Variants in SYTL5 observed in about 807,000 individuals in gnomAD.
SYTL5 encodes the protein synaptotagmin like 5.
In SYTL5, 34 loss-of-function variants were observed where a neutral mutation model predicts 55.9. The observed-to-expected ratio is 0.61, with a 90% CI of 0.46 to 0.81. The LOEUF (loss-of-function observed/expected upper bound fraction) is 0.81, where lower values mean the gene tolerates loss of function less well. Ranked by LOEUF, SYTL5 falls within the 30% of genes least tolerant of loss-of-function variation. The pLI is 0.00. For missense variants in SYTL5, 637 were observed against 546.7 expected (o/e 1.17, Z -1.65); for synonymous variants, 221 against 188.7 (o/e 1.17, Z -1.40).
the SYTL5 span, among the ~76,000 whole-genome samples, chrX:37,960,363 T>G: frequency 9.1e-6 from 1 of 110,469 alleles, no homozygotes; most frequent in African/African-American, 3.3e-5. Flanking sequence ...ATCATCTCTT[T>G]CCTCTTTTGT....
intron 3 of SYTL5, among the ~76,000 whole-genome samples, chrX:38,062,246 A>T (rs1935970072): frequency 8.9e-6 from 1 of 111,955 alleles, no homozygotes; most frequent in South Asian, 3.7e-4. Flanking sequence ...CTGGTATTAT[A>T]GGTGTGAGCC....
the SYTL5 span, among the ~76,000 whole-genome samples, chrX:37,971,804 C>T: frequency 3.7e-5 from 4 of 107,829 alleles, no homozygotes; most frequent in African/African-American, 1.3e-4. Flanking sequence ...ATCTTTATTC[C>T]GGCTTTTTTT....
rs189717697 is a variant in SYTL5 at position 38,042,205 on chromosome X, T to G, written c.119+8197T>G. On this transcript the variant is annotated intron_variant, in intron 2 of 16. Coordinates refer to ENST00000297875, the MANE Select transcript of SYTL5 (RefSeq NM_138780.3). ...CCTAGACTATATATAGAAATATATA[T>G]AGAGATAGGTTTTCTCTCTACATAT... is the stretch of plus-strand genomic sequence containing the variant. 5.2e-4 allele frequency among the ~76,000 whole-genome samples: 58 copies of G among 110,585 alleles called. 1 individual carries two copies. In the East Asian group the frequency reaches 0.011, roughly 22 times the overall value.
chrX:38,086,590 A>G (rs1418865241), intron 6 of SYTL5, among the ~76,000 whole-genome samples: 1 of 111,868 alleles, frequency 8.9e-6, no homozygotes, highest in Non-Finnish European at 1.9e-5. Flanking sequence ...GCACTGATTT[A>G]TCATACTTCT....
At chrX:37,971,539 AC>A in the SYTL5 span, among the ~76,000 whole-genome samples, 6 of 111,259 alleles carry the variant, frequency 5.4e-5, no homozygotes, top group Non-Finnish European at 7.5e-5. Context: ...AACAATAACA[AC>A]AACAACAACA....
intron 5 of SYTL5, among the ~76,000 whole-genome samples, chrX:38,073,915 A>C (rs773148548): frequency 9.0e-6 from 1 of 111,659 alleles, no homozygotes; most frequent in Non-Finnish European, 1.9e-5. Flanking sequence ...AGCACAGAAG[A>C]GTTTTCCTTT....
At position 38,128,396 on chromosome X, in the gene SYTL5, C is replaced by T. The variant is rs1479675504; in HGVS notation, c.*1666C>T. On this transcript the variant is annotated 3_prime_UTR_variant, in exon 17 of 17. Transcript: ENST00000297875. ...ATTACTTGAGCATGAACATACCCGA[C>T]CAAGGTATGTTCTGGAGTCATATTC... is the stretch of plus-strand genomic sequence containing the variant. 9.0e-6 allele frequency: 1 copy of T among 111,238 alleles called. No homozygotes were observed. The highest frequency in any genetic ancestry group is 3.3e-5 in the African/African-American group (1 of 30,619). 9.2% of individuals were successfully genotyped at this position (111,238 alleles called of 1,213,427 possible).
chrX:37,958,601 C>T, the SYTL5 span, among the ~76,000 whole-genome samples: 1 of 111,862 alleles, frequency 8.9e-6, no homozygotes, highest in South Asian at 3.7e-4. Flanking sequence ...TTTCTTTTCA[C>T]ATGCAAAATG....
At chrX:38,059,093 C>T (rs745710180) in intron 3 of SYTL5, among the ~76,000 whole-genome samples, 1 of 111,725 alleles carries the variant, frequency 9.0e-6, no homozygotes, top group South Asian at 3.7e-4. Context: ...CCATTTAATT[C>T]TTAACTTCAG....
chrX:38,059,777 G>C (rs181872445), intron 3 of SYTL5, among the ~76,000 whole-genome samples: 1 of 111,477 alleles, frequency 9.0e-6, no homozygotes. Context: ...TTCCATTTTA[G>C]AGCAATGAAG....
At chrX:38,018,644 C>T (rs898065922) in intron 1 of SYTL5, among the ~76,000 whole-genome samples, 4 of 111,375 alleles carry the variant, frequency 3.6e-5, no homozygotes, top group African/African-American at 1.3e-4. Context: ...GCTTTACCCC[C>T]GTGTTACTGA....
chrX:38,030,228 A>C (rs1241112507), intron 1 of SYTL5, among the ~76,000 whole-genome samples: 1 of 111,843 alleles, frequency 8.9e-6, no homozygotes, highest in Admixed American at 9.6e-5. Context: ...TTATTACACA[A>C]CAAAGTTCTC....
the SYTL5 span, chrX:37,994,846 A>G: frequency 9.0e-6 from 1 of 110,952 alleles, no homozygotes; most frequent in Non-Finnish European, 1.9e-5. Flanking sequence ...CAAAATTCCC[A>G]TAGATGAAAG....
At chrX:38,004,393 T>C (rs775189031), upstream of SYTL5, among the ~76,000 whole-genome samples, 20 of 111,782 alleles carry the variant, frequency 1.8e-4, no homozygotes, top group Non-Finnish European at 3.0e-4. Flanking sequence ...AAAATAGAGC[T>C]ACCATATGAT....
chrX:38,112,347 G>A (rs1372070215), intron 13 of SYTL5, among the ~76,000 whole-genome samples: 1 of 111,958 alleles, frequency 8.9e-6, no homozygotes, highest in Non-Finnish European at 1.9e-5. Flanking sequence ...CTTACTGAAG[G>A]TGGGAAAAAC....
chrX:37,971,338 G>A, the SYTL5 span, among the ~76,000 whole-genome samples: 4 of 111,125 alleles, frequency 3.6e-5, no homozygotes, highest in Non-Finnish European at 7.5e-5. Flanking sequence ...ACATCATAAG[G>A]TAAGAAGAGA....
In SYTL5 at chrX:38,127,971, G is replaced by T. The variant is rs1179472079; in HGVS notation, c.*1241G>T. On this transcript the variant is annotated 3_prime_UTR_variant, in exon 17 of 17. Transcript: ENST00000297875. ...TCTCATTGGTCAAAGGAAGTCAGAG[G>T]GCCAAGATGAAGAGGCAGGGAAATA... The T allele has an allele frequency of 8.9e-6, 1 of 111,913 alleles. No individual in the cohort carries two copies. The highest frequency in any genetic ancestry group is 1.9e-5 in the Non-Finnish European group (1 of 53,247). 9.2% of individuals were successfully genotyped at this position (111,913 alleles called of 1,213,427 possible).
chrX:38,029,070 T>A (rs2147179799), intron 1 of SYTL5, among the ~76,000 whole-genome samples: 1 of 112,539 alleles, frequency 8.9e-6, no homozygotes, highest in African/African-American at 3.2e-5. Flanking sequence ...TTATACCTTT[T>A]ATAACTCTTT....
intron 9 of SYTL5, 58 bp from the exon 10 acceptor site, chrX:38,102,284 A>C: frequency 1.2e-6 from 1 of 862,535 alleles, no homozygotes; most frequent in Non-Finnish European, 1.7e-6. Flanking sequence ...TCTCAAGTGA[A>C]AAAACATTCT....
Sources: gnomAD v4.1 joint callset for allele counts (sites outside exome capture counted in the v4.1 genomes callset) on GRCh38, gnomAD v4.1.1 for gene constraint, MANE v1.5 for transcripts, NCBI Gene and HGNC (gene_info 2026-07-23, HGNC 2026-07-21) for gene names.